The following YTHDF3 variants were observed in gnomAD, a reference collection of about 807,000 sequenced individuals.
YTHDF3 encodes the protein YTH N6-methyladenosine RNA binding protein F3, also known as YTH domain-containing family protein 3.
In YTHDF3, 9 loss-of-function variants were observed where a neutral mutation model predicts 52.5. The ratio of observed to expected loss-of-function variants is 0.17; its 90% CI spans 0.10 to 0.30. The LOEUF is 0.30. YTHDF3 is among the 10% of genes least tolerant of loss of function. YTHDF3 has a pLI of 1.00. For synonymous variants in YTHDF3, 274 were observed against 243.3 expected (o/e 1.13, Z -1.18); for missense variants, 534 against 715.0 (o/e 0.75, Z 2.89).
Position 63,210,919 on chromosome 8 carries a change from TATTA to T in YTHDF3, c.*1217_*1220del, listed in dbSNP as rs1810338034. 6.6e-6 allele frequency: 1 copy of T among 152,606 alleles called. No homozygotes were observed. Among genetic ancestry groups the T allele is most frequent in the African/African-American group, 2.4e-5 (1 of 41,462 alleles). 9.5% of individuals were successfully genotyped at this position (152,606 alleles called of 1,614,324 possible). ...TATAATTAAATGTGTCAAGCATCTG[TATTA>T]ATTGATTTGATGGCATAAGGTTATG... On this transcript the variant is annotated 3_prime_UTR_variant, in exon 5 of 5. Transcript: ENST00000539294.
chr8:63,179,452 T>G (rs1181608995), intron 3 of YTHDF3, among the ~76,000 whole-genome samples: 3 of 152,172 alleles, frequency 2.0e-5, no homozygotes, highest in African/African-American at 4.8e-5. Flanking sequence ...AGCATCTGTT[T>G]AACAAAGCAC....
At chr8:63,175,813 A>G (rs1413359556) in intron 3 of YTHDF3, 1 of 154,188 alleles carries the variant, frequency 6.5e-6, no homozygotes, top group Non-Finnish European at 1.4e-5. Context: ...GTTACCTGAA[A>G]TTGCCTGCAA....
intron 4 of YTHDF3, among the ~76,000 whole-genome samples, chr8:63,209,027 C>T (rs1810214581): frequency 6.6e-6 from 1 of 152,198 alleles, no homozygotes; most frequent in South Asian, 2.1e-4. Flanking sequence ...GCCACCACGC[C>T]CAGCTAATTT....
At chr8:63,178,068 T>C (rs1447791506) in intron 3 of YTHDF3, among the ~76,000 whole-genome samples, 4 of 152,214 alleles carry the variant, frequency 2.6e-5, no homozygotes, top group African/African-American at 9.6e-5. Context: ...ATTCAAACTC[T>C]TTTTTAAGGA....
In YTHDF3 at chr8:63,205,736, T is replaced by A. The variant is rs138862752; in HGVS notation, c.1735-3947T>A. 5.9e-5 allele frequency among the ~76,000 whole-genome samples: 9 copies of A among 152,264 alleles called. No homozygotes were observed. In the East Asian group the frequency reaches 1.5e-3, roughly 26 times the overall value. ...GGCGTGAGCCACTGCACCCGGTAGC[T>A]CATCATTTCTTAGTCTCACACTTCT... On this transcript the variant is annotated intron_variant, in intron 4 of 4. Transcript: ENST00000539294.
intron 3 of YTHDF3, among the ~76,000 whole-genome samples, chr8:63,178,974 T>G (rs927416351): frequency 6.6e-6 from 1 of 152,182 alleles, no homozygotes; most frequent in Admixed American, 6.5e-5. Flanking sequence ...AAAAATTAAA[T>G]TCATTTATCT....
At chr8:63,178,762 A>C (rs1327605360) in intron 3 of YTHDF3, among the ~76,000 whole-genome samples, 2 of 152,228 alleles carry the variant, frequency 1.3e-5, no homozygotes, top group African/African-American at 4.8e-5. Flanking sequence ...TGGAATCTTA[A>C]AGGTAAGTCG....
At chr8:63,169,298 A>G (rs1807114943) in intron 1 of YTHDF3, 89 bp from the exon 2 acceptor site, 1 of 1,502,880 alleles carries the variant, frequency 6.7e-7, no homozygotes, top group Non-Finnish European at 9.0e-7. Flanking sequence ...AGTCTAAAAT[A>G]ACTTGTCTTT....
intron 4 of YTHDF3, among the ~76,000 whole-genome samples, chr8:63,204,567 G>A (rs1011157559): frequency 2.6e-5 from 4 of 151,950 alleles, no homozygotes; most frequent in African/African-American, 7.2e-5. Context: ...TCTCCATGTT[G>A]GTCAGGATGG....
intron 4 of YTHDF3, among the ~76,000 whole-genome samples, chr8:63,199,604 G>C (rs1162302746): frequency 3.9e-5 from 6 of 152,098 alleles, no homozygotes; most frequent in Non-Finnish European, 8.8e-5. Context: ...CTGTTTAATA[G>C]TTTATTTTAA....
chr8:63,203,852 T>G (rs1021897270), intron 4 of YTHDF3, among the ~76,000 whole-genome samples: 2 of 152,230 alleles, frequency 1.3e-5, no homozygotes, highest in Non-Finnish European at 2.9e-5. Flanking sequence ...ATGATTAGAC[T>G]GGGGGTTATG....
At position 63,186,381 on chromosome 8, in the gene YTHDF3, T is replaced by C; in HGVS notation, c.370T>C (p.Phe124Leu). 6.2e-7 allele frequency: 1 copy of C among 1,614,024 alleles called. No individual in the cohort carries two copies. The highest frequency in any genetic ancestry group is 8.5e-7 in the Non-Finnish European group (1 of 1,179,882). The change falls in exon 4 of 5, where the codon TTT (phenylalanine) becomes CTT (leucine). Residue 124 changes from phenylalanine to leucine, a missense_variant. This residue lies in a region of YTHDF3 where 196 missense variants were observed against 299.5 expected (regional missense o/e 0.65). Coordinates refer to ENST00000539294, the MANE Select transcript of YTHDF3 (RefSeq NM_152758.6). ...NTPPFLGQHGFNFFPGNADFS... is the reference protein window; with the variant it reads ...NTPPFLGQHGLNFFPGNADFS... ...CCCTCCATTTCTTGGTCAACATGGA[T>C]TTAACTTTTTTCCTGGTAATGCTGA...
At chr8:63,173,636 T>C (rs2129976379) in intron 2 of YTHDF3, 2 of 985,326 alleles carry the variant, frequency 2.0e-6, no homozygotes, top group Non-Finnish European at 2.4e-6. Context: ...CCATGCATAC[T>C]TACCTTTGAT....
At chr8:63,184,325 TA>T (rs1448408216) in intron 3 of YTHDF3, among the ~76,000 whole-genome samples, 5 of 152,244 alleles carry the variant, frequency 3.3e-5, no homozygotes, top group African/African-American at 1.2e-4. Flanking sequence ...TTTTGGTTTT[TA>T]AGTCCAAGCT....
chr8:63,169,315 G>A lies in YTHDF3; in HGVS notation c.25-72G>A, dbSNP rs778157699. The A allele has an allele frequency of 1.7e-4, 254 of 1,528,134 alleles. No homozygotes were observed. The Middle Eastern group carries it at 2.7e-3, about 16-fold the overall frequency. The allele number at this position is 1,528,134 out of a possible 1,614,324, so 94.7% of individuals were successfully genotyped here. On this transcript the variant is annotated intron_variant, in intron 1 of 4. Coordinates refer to ENST00000539294, the MANE Select transcript of YTHDF3 (RefSeq NM_152758.6). ...TCTAAAATAACTTGTCTTTGATAATGCCTTTGATTAACACACTTTTTCTTT... is the reference window on the plus strand; with the variant it reads ...TCTAAAATAACTTGTCTTTGATAATACCTTTGATTAACACACTTTTTCTTT...
At position 63,175,432 on chromosome 8, in the gene YTHDF3, GT is replaced by G; in HGVS notation, c.135+19del. 1 of 1,592,782 alleles carries G rather than the reference GT, an allele frequency of 6.3e-7. No homozygotes were observed. Among genetic ancestry groups the G allele is most frequent in the Non-Finnish European group, 8.6e-7 (1 of 1,165,160 alleles). On this transcript the variant is annotated intron_variant, in intron 3 of 4. Transcript: ENST00000539294. ...GACAAATCAGGTAAGTCTTCTGACA[GT>G]TTCAGATTTTAGGAAATTAACCTTT...
At chr8:63,181,595 C>A (rs1307585062) in intron 3 of YTHDF3, among the ~76,000 whole-genome samples, 1 of 152,186 alleles carries the variant, frequency 6.6e-6, no homozygotes, top group Non-Finnish European at 1.5e-5. Context: ...TACAGAAAGT[C>A]TTTTCTGATT....
chr8:63,189,332 C>T (rs571548992), intron 4 of YTHDF3, among the ~76,000 whole-genome samples: 68 of 152,184 alleles, frequency 4.5e-4, no homozygotes, highest in Non-Finnish European at 7.9e-4. Flanking sequence ...CAAACTGTAA[C>T]GTAAAATTGG....
At chr8:63,192,904 A>G (rs1310176503) in intron 4 of YTHDF3, among the ~76,000 whole-genome samples, 1 of 151,524 alleles carries the variant, frequency 6.6e-6, no homozygotes, top group Admixed American at 6.6e-5. Flanking sequence ...ATTTAGCTGG[A>G]ATTTCTCAAA....
Sources: gnomAD v4.1 joint callset for allele counts (sites outside exome capture counted in the v4.1 genomes callset) on GRCh38, gnomAD v4.1.1 for gene constraint, gnomAD v4.1.1 regional missense constraint, MANE v1.5 for transcripts, NCBI Gene and HGNC (gene_info 2026-07-23, HGNC 2026-07-21) for gene names.